The following SYT14 variants were observed in gnomAD, a reference collection of about 807,000 sequenced individuals.
SYT14 encodes the protein synaptotagmin 14, also known as synaptotagmin-14.
A neutral mutation model predicts 74.2 loss-of-function variants in SYT14; 32 were observed. That is an observed-to-expected ratio of 0.43 (90% CI 0.33 to 0.58). SYT14 has a LOEUF of 0.58. SYT14 is among the 20% of genes least tolerant of loss of function. The pLI, the probability that SYT14 is intolerant of heterozygous loss-of-function variation, is 0.05. For missense variants in SYT14, 791 were observed against 981.8 expected, an observed-to-expected ratio of 0.81 and a Z score of 2.60; for synonymous variants, 298 against 337.7, an observed-to-expected ratio of 0.88 and a Z score of 1.29.
intron 7 of SYT14, among the ~76,000 whole-genome samples, chr1:210,143,401 A>G (rs2082960678): frequency 6.6e-6 from 1 of 152,198 alleles, no homozygotes; most frequent in Non-Finnish European, 1.5e-5. Flanking sequence ...ACTGTAAACA[A>G]TAGCAATTAC....
At chr1:209,956,625 G>C (rs1045820940) in intron 2 of SYT14, among the ~76,000 whole-genome samples, 2 of 152,134 alleles carry the variant, frequency 1.3e-5, no homozygotes, top group Admixed American at 6.5e-5. Flanking sequence ...GTGTTAGTGA[G>C]TCAGTGAGCC....
At chr1:210,013,509 A>G in intron 2 of SYT14, 124 bp from the exon 3 acceptor site, 3 of 970,506 alleles carry the variant, frequency 3.1e-6, no homozygotes, top group East Asian at 5.0e-5. Context: ...CTGTTTTTAA[A>G]CTATGACAAT....
At chr1:209,968,521 A>G (rs1488264674) in intron 2 of SYT14, among the ~76,000 whole-genome samples, 1 of 151,972 alleles carries the variant, frequency 6.6e-6, no homozygotes, top group African/African-American at 2.4e-5. Context: ...TATCATATGG[A>G]GTATGCTCCG....
chr1:210,110,851 TCTC>T (rs778672935), intron 7 of SYT14, among the ~76,000 whole-genome samples: 3 of 152,150 alleles, frequency 2.0e-5, no homozygotes, highest in Non-Finnish European at 2.9e-5. Flanking sequence ...TTCAAGCAAT[TCTC>T]CTGCCTCAGC....
rs1020844358 is a variant in SYT14 at position 210,168,499 on chromosome 1, C to T, written c.*7457C>T. 6.6e-5 allele frequency: 10 copies of T among 152,028 alleles called. 1 individual carries two copies. The highest frequency in any genetic ancestry group is 1.2e-4 in the Non-Finnish European group (8 of 67,986). The allele number at this position is 152,028 out of a possible 1,614,324, so 9.4% of individuals were successfully genotyped here. ...CATTAACATGTGATCTCTCACCTGACGATGTGTTTAAAATGAATTAATAGA... is the reference window on the plus strand; with the variant it reads ...CATTAACATGTGATCTCTCACCTGATGATGTGTTTAAAATGAATTAATAGA... On this transcript the variant is annotated 3_prime_UTR_variant, in exon 10 of 10. Transcript: ENST00000637265.
intron 2 of SYT14, among the ~76,000 whole-genome samples, chr1:209,992,044 C>G (rs2102845707): frequency 6.6e-6 from 1 of 152,230 alleles, no homozygotes; most frequent in Non-Finnish European, 1.5e-5. Flanking sequence ...AAAAAGATAC[C>G]TGCACCTGTA....
At chr1:210,105,805 T>C (rs184383179) in intron 7 of SYT14, among the ~76,000 whole-genome samples, 37 of 152,274 alleles carry the variant, frequency 2.4e-4, no homozygotes, top group African/African-American at 8.4e-4. Flanking sequence ...TAGTAAATTA[T>C]TTCTCATGAG....
chr1:210,074,568 C>G (rs1420559094), intron 5 of SYT14, among the ~76,000 whole-genome samples: 1 of 152,184 alleles, frequency 6.6e-6, no homozygotes, highest in Non-Finnish European at 1.5e-5. Flanking sequence ...AAAAAAATTT[C>G]TGTTAGGATG....
At chr1:210,040,055 AAGACACATGCAC>A (rs1039776054) in intron 5 of SYT14, among the ~76,000 whole-genome samples, 9 of 152,164 alleles carry the variant, frequency 5.9e-5, no homozygotes, top group Non-Finnish European at 1.2e-4. Context: ...TTCTACTATA[AAGACACATGCAC>A]ACATATGTTT....
chr1:209,970,557 G>A (rs2079233310), intron 2 of SYT14, among the ~76,000 whole-genome samples: 1 of 150,140 alleles, frequency 6.7e-6, no homozygotes, highest in Non-Finnish European at 1.5e-5. Context: ...CTCTTTTTTG[G>A]TTCCATATGA....
intron 4 of SYT14, 99 bp from the exon 4 acceptor site, chr1:210,020,940 A>G: frequency 1.0e-6 from 1 of 967,632 alleles, no homozygotes; most frequent in South Asian, 1.4e-5. Flanking sequence ...TCTATACTTT[A>G]TTGTGTAAAA....
At chr1:210,017,492 A>G (rs954623122) in intron 4 of SYT14, among the ~76,000 whole-genome samples, 1 of 152,138 alleles carries the variant, frequency 6.6e-6, no homozygotes, top group African/African-American at 2.4e-5. Context: ...TTTATACAGT[A>G]TTGCTCTTTG....
chr1:209,985,035 G>C (rs1021401726), intron 2 of SYT14, among the ~76,000 whole-genome samples: 16 of 152,178 alleles, frequency 1.1e-4, no homozygotes, highest in African/African-American at 3.9e-4. Context: ...GGTGGGGACA[G>C]ATATACAAGC....
chr1:209,947,453 C>T (rs1055461380), intron 1 of SYT14, among the ~76,000 whole-genome samples: 3 of 152,094 alleles, frequency 2.0e-5, no homozygotes, highest in Non-Finnish European at 4.4e-5. Context: ...TTGAAAGGCT[C>T]AAGACTTAAG....
intron 7 of SYT14, among the ~76,000 whole-genome samples, chr1:210,120,785 T>A (rs1356824780): frequency 6.6e-6 from 1 of 152,218 alleles, no homozygotes; most frequent in Non-Finnish European, 1.5e-5. Context: ...ATATTAGAAG[T>A]ACCTTTTTTG....
chr1:210,169,972 C>CT (rs2083506303), exon 10 of SYT14: 1 of 151,308 alleles, frequency 6.6e-6, no homozygotes, highest in Non-Finnish European at 1.5e-5. Context: ...TCCCTCCTTC[C>CT]TTCCTAGTTC....
At chr1:209,999,866 A>C (rs944730269) in intron 2 of SYT14, among the ~76,000 whole-genome samples, 4 of 152,178 alleles carry the variant, frequency 2.6e-5, no homozygotes, top group African/African-American at 7.2e-5. Flanking sequence ...AGTTAACAAC[A>C]ATATATTGTA....
intron 1 of SYT14, among the ~76,000 whole-genome samples, chr1:209,951,647 CAT>C (rs2078913347): frequency 6.6e-6 from 1 of 152,138 alleles, no homozygotes; most frequent in Non-Finnish European, 1.5e-5. Context: ...GAAACAGAGA[CAT>C]ATGTTATATA....
At chr1:210,141,245 T>A (rs2082908937) in intron 7 of SYT14, among the ~76,000 whole-genome samples, 1 of 152,210 alleles carries the variant, frequency 6.6e-6, no homozygotes, top group African/African-American at 2.4e-5. Flanking sequence ...ATACAAATTT[T>A]ACAGTTTTGT....
Sources: allele counts gnomAD v4.1 joint callset (sites outside exome capture counted in the v4.1 genomes callset), GRCh38; gene constraint gnomAD v4.1.1; transcripts MANE v1.5; gene names NCBI Gene and HGNC (gene_info 2026-07-23, HGNC 2026-07-21).